Variants in ZNF536 observed in about 807,000 individuals in gnomAD.
ZNF536 encodes zinc finger protein 536.
In ZNF536, 13 loss-of-function variants were observed where a neutral mutation model predicts 84.5. That is an observed-to-expected ratio of 0.15 (90% CI 0.10 to 0.24). ZNF536 has a LOEUF of 0.24. Among genes scored for constraint, ZNF536 ranks in the 10% least tolerant of loss-of-function variants. The pLI is 1.00. For synonymous variants in ZNF536, 811 were observed against 742.5 expected (o/e 1.09, Z -1.50); for missense variants, 1,536 against 1,747.5 (o/e 0.88, Z 2.16).
downstream of ZNF536, among the ~76,000 whole-genome samples, chr19:30,560,256 G>A (rs1568555042): frequency 6.6e-6 from 1 of 151,832 alleles, no homozygotes; most frequent in Non-Finnish European, 1.5e-5. Flanking sequence ...CCCCAAGTGG[G>A]ATTATAACAA....
chr19:30,430,131 C>G (rs757428284), intron 1 of ZNF536, among the ~76,000 whole-genome samples: 4 of 152,134 alleles, frequency 2.6e-5, no homozygotes, highest in Non-Finnish European at 5.9e-5. Context: ...GTTCTAGTGA[C>G]CAAACTTCTC....
In ZNF536 at chr19:30,285,454, A is replaced by G. The variant is rs541191025; in HGVS notation, c.-120+1313A>G. ...GTTTTGCCTTAAAAAAGAAGAAAAA[A>G]AATTGTTGGGTTTCCAGTCCTTTCT... On this transcript the variant is annotated intron_variant, in intron 2 of 5. Coordinates refer to the ZNF536 transcript ENST00000585628. 2.0e-5 allele frequency among the ~76,000 whole-genome samples: 3 copies of G among 152,304 alleles called. No individual in the cohort carries two copies. In the East Asian group the frequency reaches 5.8e-4, roughly 29 times the overall value.
chr19:30,453,391 G>A (rs1229517750), intron 2 of ZNF536, among the ~76,000 whole-genome samples: 2 of 152,152 alleles, frequency 1.3e-5, no homozygotes, highest in Non-Finnish European at 1.5e-5. Context: ...GGTTTACTAG[G>A]GCTGTATTTT....
chr19:30,403,846 T>C (rs2050151327), intron 1 of ZNF536, among the ~76,000 whole-genome samples: 1 of 152,152 alleles, frequency 6.6e-6, no homozygotes, highest in African/African-American at 2.4e-5. Context: ...GGGAGGCTGC[T>C]GTTGCCTTCA....
At chr19:30,322,346 T>C (rs547929881) in intron 2 of ZNF536, among the ~76,000 whole-genome samples, 1 of 152,298 alleles carries the variant, frequency 6.6e-6, no homozygotes, top group Non-Finnish European at 1.5e-5. Flanking sequence ...AAGAAGACAA[T>C]TTTTCCCCCT....
intron 1 of ZNF536, among the ~76,000 whole-genome samples, chr19:30,398,268 C>T (rs569705394): frequency 1.3e-5 from 2 of 152,338 alleles, no homozygotes; most frequent in Admixed American, 6.5e-5. Flanking sequence ...TATATCCCCT[C>T]CGTGCCCCAA....
chr19:30,581,232 C>G (rs1416218641), intron 1 of ZNF536, among the ~76,000 whole-genome samples: 1 of 152,198 alleles, frequency 6.6e-6, no homozygotes, highest in African/African-American at 2.4e-5. Context: ...AATCCCAGCA[C>G]TTTGAGAGGC....
intron 2 of ZNF536, among the ~76,000 whole-genome samples, chr19:30,295,739 G>A (rs1442703694): frequency 2.0e-5 from 3 of 152,274 alleles, no homozygotes; most frequent in Middle Eastern, 3.4e-3. Context: ...TGAAAAAAAT[G>A]TGGGTAGAAA....
At chr19:30,429,193 C>G (rs956185918) in intron 1 of ZNF536, among the ~76,000 whole-genome samples, 10 of 152,134 alleles carry the variant, frequency 6.6e-5, no homozygotes, top group African/African-American at 2.4e-4. Flanking sequence ...TGCACCTGGG[C>G]TGGGGAGAGG....
At chr19:30,248,733 A>G (rs2024437512) in intron 1 of ZNF536, among the ~76,000 whole-genome samples, 1 of 152,188 alleles carries the variant, frequency 6.6e-6, no homozygotes, top group Non-Finnish European at 1.5e-5. Context: ...GTACTGTTCC[A>G]GGTATGTCTG....
At chr19:30,630,687 G>A (rs925658787) in intron 1 of ZNF536, among the ~76,000 whole-genome samples, 21 of 152,114 alleles carry the variant, frequency 1.4e-4, no homozygotes, top group Admixed American at 7.2e-4. Flanking sequence ...CCTATCTTAG[G>A]GGCTGCGACT....
chr19:30,311,398 T>C (rs1657838437), intron 2 of ZNF536, among the ~76,000 whole-genome samples: 1 of 152,232 alleles, frequency 6.6e-6, no homozygotes, highest in Admixed American at 6.5e-5. Flanking sequence ...AGTTCTGAGA[T>C]TTAATATTTT....
At chr19:30,618,909 G>C (rs1162248864) in intron 1 of ZNF536, among the ~76,000 whole-genome samples, 1 of 151,852 alleles carries the variant, frequency 6.6e-6, no homozygotes, top group Non-Finnish European at 1.5e-5. Flanking sequence ...CATCTTTGGG[G>C]TTTTGTTACT....
At chr19:30,302,019 C>G (rs1216876845) in intron 2 of ZNF536, among the ~76,000 whole-genome samples, 2 of 152,026 alleles carry the variant, frequency 1.3e-5, no homozygotes, top group Non-Finnish European at 2.9e-5. Context: ...AGAGATGATG[C>G]TAAATAAAGA....
chr19:30,562,089 A>G (rs553783522), downstream of ZNF536, among the ~76,000 whole-genome samples: 5 of 152,142 alleles, frequency 3.3e-5, no homozygotes. Context: ...TGTTCCAAGG[A>G]GCTTAGATAA....
intron 2 of ZNF536, among the ~76,000 whole-genome samples, chr19:30,518,617 TA>T (rs2044189201): frequency 5.3e-5 from 8 of 152,356 alleles, no homozygotes; most frequent in Admixed American, 5.2e-4. Flanking sequence ...CCGCTTTGAA[TA>T]TTAGTGCAGA....
intron 2 of ZNF536, among the ~76,000 whole-genome samples, chr19:30,509,537 T>A (rs1320068663): frequency 6.7e-6 from 1 of 149,402 alleles, no homozygotes; most frequent in Non-Finnish European, 1.5e-5. Flanking sequence ...TAGTAACATA[T>A]ATTTATATAT....
At chr19:30,558,124 A>T (rs8101081), downstream of ZNF536, 30,657 of 151,846 alleles carry the variant, frequency 0.2, 3,874 homozygotes, top group African/African-American at 0.36. Flanking sequence ...CATTCTTCTC[A>T]CTGTTGGAAG....
chr19:30,460,065 C>T (rs2053062572), intron 2 of ZNF536, among the ~76,000 whole-genome samples: 1 of 152,182 alleles, frequency 6.6e-6, no homozygotes, highest in Non-Finnish European at 1.5e-5. Flanking sequence ...ATAGCTCACA[C>T]CTCACATCCC....
Sources: gnomAD v4.1 joint callset for allele counts (sites outside exome capture counted in the v4.1 genomes callset) on GRCh38, gnomAD v4.1.1 for gene constraint, MANE v1.5 for transcripts, NCBI Gene and HGNC (gene_info 2026-07-23, HGNC 2026-07-21) for gene names.